Variants in CLVS1 observed in about 807,000 individuals in gnomAD.
CLVS1 encodes the protein clavesin 1, also known as clavesin-1.
CLVS1 carries 10 observed loss-of-function variants against 33.1 expected under a neutral mutation model. That is an observed-to-expected ratio of 0.30 (90% CI 0.19 to 0.51). The LOEUF (loss-of-function observed/expected upper bound fraction) is 0.51, where lower values mean the gene tolerates loss of function less well. Ranked by LOEUF, CLVS1 falls within the 20% of genes least tolerant of loss-of-function variation. The probability of loss-of-function intolerance (pLI) is 0.97; values close to 1 mark genes in which losing one functional copy is unlikely to be tolerated. For missense variants in CLVS1, 343 were observed against 433.4 expected, an observed-to-expected ratio of 0.79 and a Z score of 1.85; for synonymous variants, 163 against 166.1, an observed-to-expected ratio of 0.98 and a Z score of 0.14.
chr8:61,297,670 C>T (rs577713444), intron 1 of CLVS1, among the ~76,000 whole-genome samples: 4 of 152,258 alleles, frequency 2.6e-5, no homozygotes, highest in African/African-American at 9.6e-5. Flanking sequence ...CTGAAAGGAG[C>T]TACGGACTGA....
intron 2 of CLVS1, among the ~76,000 whole-genome samples, chr8:61,252,664 T>C (rs1808976231): frequency 6.6e-6 from 1 of 152,240 alleles, no homozygotes; most frequent in Non-Finnish European, 1.5e-5. Flanking sequence ...CCCTTTACCA[T>C]TATGTAATGC....
chr8:61,038,737 G>A, the CLVS1 span, among the ~76,000 whole-genome samples: 4 of 152,038 alleles, frequency 2.6e-5, no homozygotes, highest in Admixed American at 2.6e-4. Flanking sequence ...GTCTTCTCAG[G>A]CCTGTTCATC....
intron 2 of CLVS1, among the ~76,000 whole-genome samples, chr8:61,259,796 G>A (rs1262496015): frequency 1.3e-5 from 2 of 152,314 alleles, no homozygotes; most frequent in Non-Finnish European, 2.9e-5. Flanking sequence ...GAGCAGACGC[G>A]GAGCAGGATA....
rs114499320 is a variant in CLVS1, at chr8:61,349,067, G to A, written c.456-27538G>A. 8.1e-3 allele frequency among the ~76,000 whole-genome samples: 1,230 copies of A among 152,144 alleles called. 21 individuals are homozygous for A. The highest frequency in any genetic ancestry group is 0.027 in the African/African-American group (1,130 of 41,524). ...GGTCCTTTGCCCATTTAATTGGGTT[G>A]TTTTCTTGCTATTAAGTTGTTTGAG... On this transcript the variant is annotated intron_variant, in intron 2 of 5. Transcript: ENST00000325897.
At chr8:61,309,305 A>C (rs1810750692) in intron 2 of CLVS1, among the ~76,000 whole-genome samples, 1 of 152,172 alleles carries the variant, frequency 6.6e-6, no homozygotes, top group African/African-American at 2.4e-5. Context: ...CCGAGTCTCC[A>C]TTCCTTCATG....
intron 2 of CLVS1, among the ~76,000 whole-genome samples, chr8:61,153,897 C>T (rs1020607030): frequency 6.6e-6 from 1 of 152,148 alleles, no homozygotes; most frequent in Non-Finnish European, 1.5e-5. Context: ...CAAAATTGCA[C>T]CAATACAATT....
chr8:61,381,560 AG>A, intron 3 of CLVS1, among the ~76,000 whole-genome samples: 1 of 152,206 alleles, frequency 6.6e-6, no homozygotes, highest in Non-Finnish European at 1.5e-5. Context: ...AATACTCAAT[AG>A]GTAGTTTTTT....
At chr8:61,315,698 G>T (rs1293512430) in intron 2 of CLVS1, among the ~76,000 whole-genome samples, 1 of 152,134 alleles carries the variant, frequency 6.6e-6, no homozygotes, top group Non-Finnish European at 1.5e-5. Flanking sequence ...GGTTGAAGCT[G>T]TTGAATAAGT....
At chr8:61,149,569 C>CAAAAAAAAAAAAAAAAAAA (rs1212944878) in intron 2 of CLVS1, among the ~76,000 whole-genome samples, 1 of 120,272 alleles carries the variant, frequency 8.3e-6, no homozygotes, top group Non-Finnish European at 1.7e-5. Flanking sequence ...AAAAAAAAAA[C>CAAAAAAAAAAAAAAAAAAA]AAAAAACAAA....
intron 2 of CLVS1, among the ~76,000 whole-genome samples, chr8:61,189,452 G>A (rs1426994122): frequency 6.6e-6 from 1 of 152,220 alleles, no homozygotes; most frequent in African/African-American, 2.4e-5. Context: ...ATGCTAGGAA[G>A]AAGCTGCATC....
chr8:61,279,486 T>C (rs1235924046), intron 2 of CLVS1, among the ~76,000 whole-genome samples: 1 of 152,174 alleles, frequency 6.6e-6, no homozygotes, highest in African/African-American at 2.4e-5. Flanking sequence ...AGACCTGCAG[T>C]AATAATTCCA....
intron 1 of CLVS1, among the ~76,000 whole-genome samples, chr8:61,093,100 A>G (rs950524175): frequency 1.3e-5 from 2 of 152,194 alleles, no homozygotes; most frequent in African/African-American, 4.8e-5. Flanking sequence ...GTGTATTCTC[A>G]AAAGCTTGTT....
At chr8:61,413,233 G>A (rs1227604594) in intron 3 of CLVS1, among the ~76,000 whole-genome samples, 2 of 152,068 alleles carry the variant, frequency 1.3e-5, no homozygotes, top group African/African-American at 4.8e-5. Context: ...TTTATTTTAT[G>A]GGCAACTCAT....
intron 3 of CLVS1, among the ~76,000 whole-genome samples, chr8:61,428,133 G>A (rs903169248): frequency 6.6e-6 from 1 of 152,198 alleles, no homozygotes; most frequent in Non-Finnish European, 1.5e-5. Context: ...TTTCAGAAGA[G>A]GTGGAGATTT....
intron 3 of CLVS1, among the ~76,000 whole-genome samples, chr8:61,393,168 C>A (rs1381025247): frequency 2.0e-5 from 3 of 152,256 alleles, no homozygotes; most frequent in Admixed American, 2.0e-4. Context: ...AGGCATGAGC[C>A]ACCACACCCG....
chr8:61,084,237 CT>C (rs1229094719), intron 1 of CLVS1, among the ~76,000 whole-genome samples: 3 of 152,292 alleles, frequency 2.0e-5, no homozygotes, highest in Non-Finnish European at 4.4e-5. Flanking sequence ...TATTTTAGCA[CT>C]GAAAATTCTA....
chr8:61,126,433 C>T (rs527909099), intron 1 of CLVS1, among the ~76,000 whole-genome samples: 5 of 152,228 alleles, frequency 3.3e-5, no homozygotes, highest in African/African-American at 7.2e-5. Flanking sequence ...TTGCCTGGCA[C>T]GTAGTAAATG....
chr8:61,329,802 A>T (rs1319190452), intron 2 of CLVS1, among the ~76,000 whole-genome samples: 2 of 152,160 alleles, frequency 1.3e-5, no homozygotes, highest in African/African-American at 2.4e-5. Flanking sequence ...CTATGATGAC[A>T]TTCCCTTCCC....
intron 1 of CLVS1, among the ~76,000 whole-genome samples, chr8:61,129,300 A>C (rs1406183673): frequency 6.6e-6 from 1 of 152,218 alleles, no homozygotes. Flanking sequence ...TTGTCTGCTT[A>C]GGTTGTGTAG....
Sources: allele counts gnomAD v4.1 joint callset (sites outside exome capture counted in the v4.1 genomes callset), GRCh38; gene constraint gnomAD v4.1.1; transcripts MANE v1.5; gene names NCBI Gene and HGNC (gene_info 2026-07-23, HGNC 2026-07-21).